CSMD1: variants seen among roughly 807,000 people sequenced by gnomAD.
CSMD1 encodes the protein CUB and sushi domain-containing protein 1.
A neutral mutation model predicts 417.5 loss-of-function variants in CSMD1; 213 were observed. The ratio of observed to expected loss-of-function variants is 0.51; its 90% confidence interval spans 0.46 to 0.57. The LOEUF (loss-of-function observed/expected upper bound fraction) is 0.57, where lower values mean the gene tolerates loss of function less well. Ranked by LOEUF, CSMD1 falls within the 20% of genes least tolerant of loss-of-function variation. The pLI is 0.00. For synonymous variants in CSMD1, 2,862 were observed against 1,736.8 expected, an observed-to-expected ratio of 1.65 and a Z score of -16.11; for missense variants, 6,923 against 4,529.7, an observed-to-expected ratio of 1.53 and a Z score of -15.17.
chr8:3,753,868 G>A (rs950390136), intron 6 of CSMD1, 62 bp downstream of exon 6: 65 of 1,194,792 alleles, frequency 5.4e-5, no homozygotes, highest in East Asian at 2.4e-5. Context: ...TTCATGGCTA[G>A]AAAGGATCAA....
At chr8:4,300,089 G>C (rs560046279) in intron 3 of CSMD1, among the ~76,000 whole-genome samples, 6 of 152,328 alleles carry the variant, frequency 3.9e-5, no homozygotes, top group African/African-American at 1.4e-4. Context: ...TTTAGGATTT[G>C]ATTTGCCCAT....
At chr8:3,951,944 T>C (rs1306270857) in intron 5 of CSMD1, among the ~76,000 whole-genome samples, 1 of 152,034 alleles carries the variant, frequency 6.6e-6, no homozygotes, top group African/African-American at 2.4e-5. Flanking sequence ...AGATATCGAA[T>C]ACATAATTAT....
chr8:3,921,024 A>G (rs1226739136), intron 5 of CSMD1, among the ~76,000 whole-genome samples: 2 of 152,128 alleles, frequency 1.3e-5, no homozygotes, highest in Non-Finnish European at 2.9e-5. Flanking sequence ...CAGGTTTCCG[A>G]AAGAGTTTGA....
chr8:4,038,462 T>C (rs973115876), intron 3 of CSMD1, among the ~76,000 whole-genome samples: 16 of 152,316 alleles, frequency 1.1e-4, no homozygotes, highest in Non-Finnish European at 2.2e-4. Flanking sequence ...GGTAATTTAG[T>C]GTTCGAGAAA....
Position 4,793,448 on chromosome 8 carries a change from C to G in CSMD1, c.86-155890G>C, listed in dbSNP as rs553705149. Among the ~76,000 whole-genome samples, 281 of 152,054 alleles carry G rather than the reference C, an allele frequency of 1.8e-3. 1 individual carries two copies. Among genetic ancestry groups the G allele is most frequent in the Middle Eastern group, 3.4e-3 (1 of 294 alleles). On this transcript the variant is annotated intron_variant, in intron 1 of 69. Coordinates refer to ENST00000635120, the MANE Select transcript of CSMD1 (RefSeq NM_033225.6). ...TCCCCCAGCTCTTTATCACTTTCTCCTCCAGCTCCATCCCCTCTCTCCTCC... is the reference window on the plus strand; with the variant it reads ...TCCCCCAGCTCTTTATCACTTTCTCGTCCAGCTCCATCCCCTCTCTCCTCC...
intron 5 of CSMD1, among the ~76,000 whole-genome samples, chr8:3,980,615 G>A (rs943673997): frequency 1.3e-5 from 2 of 152,240 alleles, no homozygotes; most frequent in East Asian, 1.9e-4. Flanking sequence ...ATGCCCCAAT[G>A]ATGCCTTACT....
chr8:3,521,631 G>C (rs1032056801), intron 10 of CSMD1, among the ~76,000 whole-genome samples: 2 of 152,174 alleles, frequency 1.3e-5, no homozygotes, highest in Admixed American at 1.3e-4. Flanking sequence ...ACGGAGCAAA[G>C]TACATTTACA....
chr8:4,192,137 G>T (rs1041702616), intron 3 of CSMD1, among the ~76,000 whole-genome samples: 1 of 152,072 alleles, frequency 6.6e-6, no homozygotes, highest in African/African-American at 2.4e-5. Context: ...AATATGACGC[G>T]TCTTCACTCC....
intron 8 of CSMD1, among the ~76,000 whole-genome samples, chr8:3,614,002 CT>C (rs1802018196): frequency 6.6e-6 from 1 of 151,690 alleles, no homozygotes; most frequent in Non-Finnish European, 1.5e-5. Flanking sequence ...ACAAAATCAC[CT>C]AGGGAGAAAG....
At chr8:3,303,506 C>T (rs979808297) in intron 25 of CSMD1, among the ~76,000 whole-genome samples, 1 of 152,164 alleles carries the variant, frequency 6.6e-6, no homozygotes, top group Non-Finnish European at 1.5e-5. Context: ...GTTTTTCATA[C>T]TGTGCGAGCT....
At chr8:3,207,249 C>T (rs1240201749) in intron 30 of CSMD1, among the ~76,000 whole-genome samples, 4 of 147,542 alleles carry the variant, frequency 2.7e-5, no homozygotes, top group East Asian at 2.0e-4. Flanking sequence ...CGGGTTCAAA[C>T]GATTCTCTTG....
At chr8:3,881,934 CCA>C (rs1806233807) in intron 5 of CSMD1, among the ~76,000 whole-genome samples, 2 of 152,062 alleles carry the variant, frequency 1.3e-5, no homozygotes, top group African/African-American at 4.8e-5. Flanking sequence ...CTTTATAATT[CCA>C]CAGAGATTAC....
At chr8:4,766,159 C>T (rs1289620014) in intron 1 of CSMD1, among the ~76,000 whole-genome samples, 1 of 152,116 alleles carries the variant, frequency 6.6e-6, no homozygotes, top group Non-Finnish European at 1.5e-5. Context: ...GTGTACTAGT[C>T]CTGTAGACCT....
chr8:3,305,206 G>C (rs1236178224), intron 25 of CSMD1, among the ~76,000 whole-genome samples: 1 of 152,082 alleles, frequency 6.6e-6, no homozygotes, highest in Non-Finnish European at 1.5e-5. Context: ...ATAGAAACAT[G>C]CCTTCATAGA....
At position 4,706,231 on chromosome 8, in the gene CSMD1, T is replaced by C. The variant is rs77136373; in HGVS notation, c.86-68673A>G. The stretch of plus-strand genomic sequence containing the variant: ...TCTAATATCTGGCAATTGCTAATTG[T>C]TTGAAAGTCCCACAACATATCTGAC... On this transcript the variant is annotated intron_variant, in intron 1 of 69. Transcript: ENST00000635120. Among the ~76,000 whole-genome samples, 510 of 152,042 alleles carry C rather than the reference T, an allele frequency of 3.4e-3. 7 individuals are homozygous for C. The highest frequency in any genetic ancestry group is 0.012 in the African/African-American group (493 of 41,520).
chr8:3,905,792 C>T (rs1217467094), intron 5 of CSMD1, among the ~76,000 whole-genome samples: 2 of 152,184 alleles, frequency 1.3e-5, no homozygotes, highest in African/African-American at 2.4e-5. Context: ...TTCTTCACCA[C>T]CCTCTACTGT....
chr8:3,394,215 G>T (rs1392592540), intron 17 of CSMD1, among the ~76,000 whole-genome samples: 1 of 146,252 alleles, frequency 6.8e-6, no homozygotes, highest in Non-Finnish European at 1.5e-5. Context: ...AAAAATAGTT[G>T]TCAGGATTAC....
Position 3,669,643 on chromosome 8 carries a change from C to A in CSMD1, c.1009+38771G>T, listed in dbSNP as rs542073172. On this transcript the variant is annotated intron_variant, in intron 7 of 69. Transcript: ENST00000635120. ...CTGGGTATTCGCCCGCTGGGTACAT[C>A]ATTTATTAACTCAACAGATGTTAGC... Among the ~76,000 whole-genome samples the A allele has an allele frequency of 8.5e-5, 13 of 152,262 alleles. No individual in the cohort carries two copies. In the East Asian group the frequency reaches 2.1e-3, roughly 25 times the overall value.
intron 1 of CSMD1, among the ~76,000 whole-genome samples, chr8:4,804,840 A>G (rs543306712): frequency 9.2e-5 from 14 of 152,342 alleles, no homozygotes; most frequent in African/African-American, 2.9e-4. Flanking sequence ...TATTTAACAA[A>G]TACAGACATG....
Sources: allele counts gnomAD v4.1 joint callset (sites outside exome capture counted in the v4.1 genomes callset), GRCh38; gene constraint gnomAD v4.1.1; transcripts MANE v1.5; gene names NCBI Gene and HGNC (gene_info 2026-07-23, HGNC 2026-07-21).